Variants in ECI1 observed in about 807,000 individuals in gnomAD.
The protein encoded by ECI1 is enoyl-CoA delta isomerase 1, mitochondrial.
Under a neutral mutation model 34.2 loss-of-function variants are expected in ECI1, and 34 were observed. The ratio of observed to expected loss-of-function variants is 1.00; its 90% confidence interval spans 0.76 to 1.33. The LOEUF is 1.33. Ranked by LOEUF, ECI1 falls within the 40% of genes most tolerant of loss-of-function variation. The probability of loss-of-function intolerance (pLI) is 0.00; values close to 1 mark genes in which losing one functional copy is unlikely to be tolerated. For synonymous variants in ECI1, 211 were observed against 193.0 expected, an observed-to-expected ratio of 1.09 and a Z score of -0.77; for missense variants, 456 against 422.2, an observed-to-expected ratio of 1.08 and a Z score of -0.70.
In ECI1 at chr16:2,243,288, A is replaced by G. The variant is rs201589284; in HGVS notation, c.563+30T>C. On this transcript the variant is annotated intron_variant, in intron 5 of 6. Transcript: ENST00000301729. The stretch of plus-strand genomic sequence containing the variant: ...CGGGTCTGTTCCCTCCACAACAAGC[A>G]TGGAGCGTGGCTGCAGCCCAGGGCC... The G allele has an allele frequency of 3.3e-5, 54 of 1,613,472 alleles. 1 individual carries two copies. Among genetic ancestry groups the G allele is most frequent in the East Asian group, 2.5e-4 (11 of 44,884 alleles).
Position 2,251,367 on chromosome 16 carries a change from C to A in ECI1, c.115G>T (p.Ala39Ser), listed in dbSNP as rs1451966373. The change falls in exon 2 of 7, where the codon GCG (alanine) becomes TCG (serine). Residue 39 changes from alanine (A) to serine (S), a missense_variant. Transcript: ENST00000301729. ...TERAAGGGDG[A>S]RRFGSQRVLV... ...ACCCGCTGGCTCCCGAAGCGCCGCG[C>A]GCCGTCTCCGCCGCCGGCCGCCCGC... The A allele has an allele frequency of 4.8e-6, 6 of 1,245,412 alleles. No individual in the cohort carries two copies. Among genetic ancestry groups the A allele is most frequent in the Non-Finnish European group, 5.0e-6 (5 of 996,412 alleles). The allele number at this position is 1,245,412 out of a possible 1,614,324, so 77.1% of individuals were successfully genotyped here.
At chr16:2,240,904 A>G (rs1236806204) in intron 6 of ECI1, 9 of 152,168 alleles carry the variant, frequency 5.9e-5, no homozygotes, top group African/African-American at 2.2e-4. Context: ...CATGTTGGTC[A>G]GGCTGATCTC....
At position 2,244,837 on chromosome 16, in the gene ECI1, C is replaced by T. The variant is rs80171386; in HGVS notation, c.295-285G>A. Among the ~76,000 whole-genome samples, 88 of 152,334 alleles carry T rather than the reference C, an allele frequency of 5.8e-4. No individual in the cohort carries two copies. In the East Asian group the frequency reaches 0.011, roughly 18 times the overall value. Reference sequence around the variant, plus strand: ...GCACCTCTCAGGGACATAAGTGCGCCGGCCCTCTGGCTCTGCACGCCTGGC... The same window carrying T: ...GCACCTCTCAGGGACATAAGTGCGCTGGCCCTCTGGCTCTGCACGCCTGGC... On this transcript the variant is annotated intron_variant, in intron 3 of 6. Transcript: ENST00000301729.
Position 2,243,200 on chromosome 16 carries a change from G to T in ECI1, c.588C>A (p.Thr196=). The T allele has an allele frequency of 3.1e-6, 5 of 1,611,216 alleles. No individual in the cohort carries two copies. Among genetic ancestry groups the T allele is most frequent in the Non-Finnish European group, 4.2e-6 (5 of 1,179,946 alleles). ...PFWLKDTLEN[T]IGHRAAERAL... is the part of the protein sequence containing the mutation. ...CACGCTCCGCCGCCCGGTGCCCGAT[G>T]GTGTTCTCCAGGGTGTCTTTCAACC... Residue 196 remains threonine, a synonymous_variant, in exon 6 of 7, where the codon ACC becomes ACA. Transcript: ENST00000301729.
At chr16:2,248,112 TTC>T (rs1210327892) in intron 2 of ECI1, among the ~76,000 whole-genome samples, 1 of 152,224 alleles carries the variant, frequency 6.6e-6, no homozygotes, top group East Asian at 1.9e-4. Flanking sequence ...TATCATTTTT[TTC>T]TGAGACAGAG....
chr16:2,245,089 G>A (rs1034025633), intron 3 of ECI1, among the ~76,000 whole-genome samples: 5 of 152,180 alleles, frequency 3.3e-5, no homozygotes, highest in African/African-American at 4.8e-5. Context: ...CTGGAGTAGC[G>A]GGCGCCAGCA....
chr16:2,244,652 GC>G, intron 3 of ECI1, 100 bp from the exon 4 acceptor site: 1 of 1,293,394 alleles, frequency 7.7e-7, no homozygotes, highest in Non-Finnish European at 1.1e-6. Context: ...GCACAGCAGG[GC>G]CAGGTCACGC....
chr16:2,244,308 C>A lies in ECI1; in HGVS notation c.441+98G>T, dbSNP rs550053066. On this transcript the variant is annotated intron_variant, in intron 4 of 6. Coordinates refer to ENST00000301729, the MANE Select transcript of ECI1 (RefSeq NM_001919.4). ...TCAGGGCCTCTCCAACCGTCCCCTT[C>A]CCCTGTGAGAGATTCCAAGGGCAGG... 9.1e-5 allele frequency: 127 copies of A among 1,398,226 alleles called. 1 individual carries two copies. The South Asian group carries it at 1.5e-3, about 16-fold the overall frequency. The allele number at this position is 1,398,226 out of a possible 1,614,324, so 86.6% of individuals were successfully genotyped here.
At chr16:2,242,677 C>A in intron 6 of ECI1, 1 of 304,926 alleles carries the variant, frequency 3.3e-6, no homozygotes, top group Non-Finnish European at 6.3e-6. Context: ...ACCTGAGACC[C>A]ACAGAAACAC....
At chr16:2,243,278 CACA>C (rs572630062) in intron 5 of ECI1, 37 bp downstream of exon 5, 9 of 1,613,414 alleles carry the variant, frequency 5.6e-6, no homozygotes, top group East Asian at 2.2e-5. Flanking sequence ...CTGTTCCCTC[CACA>C]ACAAGCATGG....
chr16:2,244,144 G>T, intron 4 of ECI1: 1 of 551,068 alleles, frequency 1.8e-6, no homozygotes, highest in South Asian at 2.0e-5. Flanking sequence ...ACCCAGGCTG[G>T]CATCAACCCC....
intron 2 of ECI1, among the ~76,000 whole-genome samples, 160 bp from the exon 3 acceptor site, chr16:2,247,146 G>C (rs966131002): frequency 6.6e-6 from 1 of 152,154 alleles, no homozygotes; most frequent in African/African-American, 2.4e-5. Context: ...ACCCAGGCTG[G>C]AGTGCAGTGG....
At chr16:2,251,237 T>A in intron 2 of ECI1, 79 bp downstream of exon 2, 1 of 629,514 alleles carries the variant, frequency 1.6e-6, no homozygotes, top group Non-Finnish European at 2.1e-6. Context: ...CAGACGTGGT[T>A]CTCCGACAGC....
At chr16:2,244,284 C>T in intron 4 of ECI1, 122 bp downstream of exon 4, 1 of 1,229,048 alleles carries the variant, frequency 8.1e-7, no homozygotes, top group South Asian at 1.3e-5. Context: ...GTGCACATCT[C>T]AGGGCCTCTC....
chr16:2,243,193 G>A lies in ECI1; in HGVS notation c.595C>T (p.His199Tyr), dbSNP rs1168963944. The A allele has an allele frequency of 6.2e-7, 1 of 1,610,340 alleles. No individual in the cohort carries two copies. Among genetic ancestry groups the A allele is most frequent in the East Asian group, 2.2e-5 (1 of 44,886 alleles). ...TGCAGGGCACGCTCCGCCGCCCGGT[G>A]CCCGATGGTGTTCTCCAGGGTGTCT... ...LKDTLENTIG[H>Y]RAAERALQLG... The change falls in exon 6 of 7, where the codon CAC becomes TAC. Residue 199 changes from histidine (H) to tyrosine (Y), a missense_variant. Transcript: ENST00000301729.
In ECI1 at chr16:2,243,332, G is replaced by A; in HGVS notation, c.549C>T (p.Ile183=). 1 of 1,613,714 alleles carries A rather than the reference G, an allele frequency of 6.2e-7. No homozygotes were observed. Among genetic ancestry groups the A allele is most frequent in the Non-Finnish European group, 8.5e-7 (1 of 1,180,032 alleles). The part of the protein sequence containing the change: ...CIGLNETQLG[I]IAPFWLKDTL... Reference sequence around the variant, plus strand: ...CAGGGCCTTACCAGAAAGGGGCGATGATGCCCAGCTGGGTCTCATTGAGTC... The same window carrying A: ...CAGGGCCTTACCAGAAAGGGGCGATAATGCCCAGCTGGGTCTCATTGAGTC... Residue 183 remains isoleucine, a synonymous_variant, in exon 5 of 7, where the codon ATC becomes ATT. Coordinates refer to ENST00000301729, the MANE Select transcript of ECI1 (RefSeq NM_001919.4).
chr16:2,239,878 T>C lies in ECI1; in HGVS notation c.*101A>G. The C allele has an allele frequency of 1.5e-6, 2 of 1,312,416 alleles. No homozygotes were observed. Among genetic ancestry groups the C allele is most frequent in the Non-Finnish European group, 2.2e-6 (2 of 908,560 alleles). 81.3% of individuals were successfully genotyped at this position (1,312,416 alleles called of 1,614,324 possible). A position where few individuals can be genotyped will look rare whatever the true frequency, so the allele number is the denominator to read the frequency against. On this transcript the variant is annotated 3_prime_UTR_variant, in exon 7 of 7. Coordinates refer to ENST00000301729, the MANE Select transcript of ECI1 (RefSeq NM_001919.4). ...GAACTTCTACGTAACATCAGCAAAA[T>C]GAAACGCTGGCAGTACTTTTAAGTT...
At position 2,251,390 on chromosome 16, in the gene ECI1, C is replaced by T. The variant is rs1029513797; in HGVS notation, c.92G>A (p.Arg31Gln). Residue 31 changes from arginine (R) to glutamine (Q), a missense_variant, in exon 2 of 7, where the codon CGG becomes CAG. Transcript: ENST00000301729. ...CGCGCCGTCTCCGCCGCCGGCCGCC[C>T]GCTCCGTCCGCCCGAGGGCCGCGCC... ...LPGAALGRTE[R>Q]AAGGGDGARR... 5 of 1,271,912 alleles carry T rather than the reference C, an allele frequency of 3.9e-6. No individual in the cohort carries two copies. 78.8% of individuals were successfully genotyped at this position (1,271,912 alleles called of 1,614,324 possible).
At chr16:2,249,507 C>T (rs1377818637) in intron 2 of ECI1, among the ~76,000 whole-genome samples, 1 of 151,938 alleles carries the variant, frequency 6.6e-6, no homozygotes, top group African/African-American at 2.4e-5. Flanking sequence ...ACATTACCTC[C>T]GGTAAAAAAG....
Sources: allele counts gnomAD v4.1 joint callset (sites outside exome capture counted in the v4.1 genomes callset), GRCh38; gene constraint gnomAD v4.1.1; transcripts MANE v1.5; gene names NCBI Gene and HGNC (gene_info 2026-07-23, HGNC 2026-07-21).